RALYL: variants seen among roughly 807,000 people sequenced by gnomAD.
The protein encoded by RALYL is RALY RNA binding protein like, also known as RNA-binding Raly-like protein.
In RALYL, 29 loss-of-function variants were observed where a neutral mutation model predicts 35.1. The observed-to-expected ratio is 0.83, with a 90% confidence interval of 0.61 to 1.13. The LOEUF (loss-of-function observed/expected upper bound fraction) is 1.13. RALYL is among the 50% of genes most tolerant of loss of function. The pLI is 0.00. For synonymous variants in RALYL, 120 were observed against 127.6 expected, an observed-to-expected ratio of 0.94 and a Z score of 0.40; for missense variants, 359 against 360.4, an observed-to-expected ratio of 1.00 and a Z score of 0.03.
chr8:84,388,659 A>G (rs975533197), intron 1 of RALYL, among the ~76,000 whole-genome samples: 16 of 152,138 alleles, frequency 1.1e-4, no homozygotes, highest in African/African-American at 3.9e-4. Context: ...GTGTCTGTTC[A>G]TGTCCTTCGC....
intron 2 of RALYL, among the ~76,000 whole-genome samples, chr8:84,630,020 A>G (rs1823580248): frequency 1.3e-5 from 2 of 152,032 alleles, no homozygotes. Flanking sequence ...TTGAAACTCC[A>G]AGCTTAATTC....
In RALYL at chr8:84,815,470, A is replaced by T. The variant is rs1380591378; in HGVS notation, c.365+10668A>T. ...TAAATACATAATACTGAATGTTTAT[A>T]TTATTATAAATAAAATATATTTATA... On this transcript the variant is annotated intron_variant, in intron 4 of 8. Transcript: ENST00000521268. Among the ~76,000 whole-genome samples, 27 of 147,182 alleles carry T rather than the reference A, an allele frequency of 1.8e-4. No homozygotes were observed. The South Asian group carries it at 5.7e-3, about 31-fold the overall frequency.
intron 1 of RALYL, among the ~76,000 whole-genome samples, chr8:84,491,031 G>A (rs1044207192): frequency 3.3e-5 from 5 of 151,836 alleles, no homozygotes; most frequent in Admixed American, 2.0e-4. Context: ...TGATCAAAAC[G>A]GGGAAGAACG....
At chr8:84,539,886 A>ATATGTGTGTG (rs1554713699) in intron 2 of RALYL, among the ~76,000 whole-genome samples, 1 of 86,884 alleles carries the variant, frequency 1.2e-5, no homozygotes, top group Non-Finnish European at 2.4e-5. Flanking sequence ...ATGTATATAT[A>ATATGTGTGTG]TGTGTGTGTG....
intron 1 of RALYL, among the ~76,000 whole-genome samples, chr8:84,491,134 A>G (rs552323888): frequency 4.6e-5 from 7 of 152,116 alleles, no homozygotes; most frequent in South Asian, 2.1e-4. Flanking sequence ...GACATAGAAA[A>G]TACAAATACT....
chr8:84,344,905 A>T (rs1849528394), intron 1 of RALYL, among the ~76,000 whole-genome samples: 1 of 152,072 alleles, frequency 6.6e-6, no homozygotes, highest in Admixed American at 6.6e-5. Flanking sequence ...GTAATATTAC[A>T]TTGAGCTTAC....
At chr8:84,275,699 A>G (rs917581862) in intron 1 of RALYL, among the ~76,000 whole-genome samples, 3 of 152,090 alleles carry the variant, frequency 2.0e-5, no homozygotes, top group African/African-American at 7.2e-5. Context: ...AGCCTGCCCA[A>G]CGCCTGGTAA....
At position 84,760,303 on chromosome 8, in the gene RALYL, C is replaced by G. The variant is rs182053445; in HGVS notation, c.257-14276C>G. ...CATGGTGGTAAAAATAATGTTCTTA[C>G]TAAATTAGGAGACCTATAGAACAAA... On this transcript the variant is annotated intron_variant, in intron 2 of 8. Coordinates refer to ENST00000521268, the MANE Select transcript of RALYL (RefSeq NM_173848.7). 1.4e-4 allele frequency among the ~76,000 whole-genome samples: 21 copies of G among 152,068 alleles called. No homozygotes were observed. In the East Asian group the frequency reaches 3.9e-3, roughly 28 times the overall value.
At chr8:84,468,964 G>C (rs910106094) in intron 1 of RALYL, among the ~76,000 whole-genome samples, 2 of 150,740 alleles carry the variant, frequency 1.3e-5, no homozygotes, top group African/African-American at 4.9e-5. Context: ...CATTCTTCAC[G>C]TAGTTCTCGA....
chr8:84,501,342 C>T (rs1034034006), intron 1 of RALYL, among the ~76,000 whole-genome samples: 3 of 152,050 alleles, frequency 2.0e-5, no homozygotes, highest in Non-Finnish European at 2.9e-5. Context: ...TCTAATTTAA[C>T]TTTCCACATA....
intron 1 of RALYL, chr8:84,346,075 A>G (rs1408366604): frequency 5.5e-5 from 54 of 984,170 alleles, no homozygotes; most frequent in Non-Finnish European, 6.4e-5. Context: ...GGTTGCTTAT[A>G]TGTTTTCACA....
At chr8:84,729,719 A>G (rs1486457994) in intron 2 of RALYL, among the ~76,000 whole-genome samples, 2 of 152,096 alleles carry the variant, frequency 1.3e-5, no homozygotes, top group Non-Finnish European at 1.5e-5. Context: ...CTGATCCCAC[A>G]GAAATACAAA....
chr8:84,420,143 C>G (rs2045326669), intron 1 of RALYL, among the ~76,000 whole-genome samples: 1 of 151,818 alleles, frequency 6.6e-6, no homozygotes, highest in Non-Finnish European at 1.5e-5. Flanking sequence ...AATGGTTGAA[C>G]TAGTTTACAG....
At chr8:84,519,779 T>G (rs1304772441) in intron 1 of RALYL, among the ~76,000 whole-genome samples, 2 of 152,220 alleles carry the variant, frequency 1.3e-5, no homozygotes, top group East Asian at 3.8e-4. Context: ...AATTAAAGTG[T>G]CACTGATTTC....
chr8:84,888,659 C>T (rs1843307158), intron 8 of RALYL, among the ~76,000 whole-genome samples: 1 of 152,084 alleles, frequency 6.6e-6, no homozygotes, highest in Non-Finnish European at 1.5e-5. Flanking sequence ...CAATAGTTTC[C>T]AAGACAGCTG....
intron 4 of RALYL, among the ~76,000 whole-genome samples, chr8:84,830,018 G>T (rs1325234736): frequency 1.6e-3 from 3 of 1,842 alleles, no homozygotes; most frequent in East Asian, 0.023. Context: ...CACTATACTG[G>T]GGGGGGGGGG....
At chr8:84,691,523 A>T (rs2132157338) in intron 2 of RALYL, among the ~76,000 whole-genome samples, 1 of 152,204 alleles carries the variant, frequency 6.6e-6, no homozygotes, top group Non-Finnish European at 1.5e-5. Context: ...CTTCCAAATC[A>T]TTATCTGATT....
At chr8:84,630,119 C>T (rs1273432247) in intron 2 of RALYL, among the ~76,000 whole-genome samples, 1 of 151,830 alleles carries the variant, frequency 6.6e-6, no homozygotes, top group Non-Finnish European at 1.5e-5. Context: ...CTAAGATTAG[C>T]ACAACAAATG....
chr8:84,529,667 T>A, intron 2 of RALYL, 90 bp downstream of exon 2: 1 of 1,147,116 alleles, frequency 8.7e-7, no homozygotes, highest in Non-Finnish European at 1.2e-6. Context: ...CTGTTGTTTC[T>A]ACCTCTTCTT....
Sources: gnomAD v4.1 joint callset for allele counts (sites outside exome capture counted in the v4.1 genomes callset) on GRCh38, gnomAD v4.1.1 for gene constraint, MANE v1.5 for transcripts, NCBI Gene and HGNC (gene_info 2026-07-23, HGNC 2026-07-21) for gene names.